Variants in AFAP1 observed in about 807,000 individuals in gnomAD.
AFAP1 encodes actin filament associated protein 1.
AFAP1 carries 75 observed loss-of-function variants against 93.9 expected under a neutral mutation model. That is an observed-to-expected ratio of 0.80 (90% CI 0.66 to 0.97). AFAP1 has a LOEUF of 0.97. AFAP1 is among the 50% of genes least tolerant of loss of function. AFAP1 has a pLI of 0.00. For missense variants in AFAP1, 1,201 were observed against 1,050.8 expected (o/e 1.14, Z -1.98); for synonymous variants, 517 against 430.7 (o/e 1.20, Z -2.48).
chr4:7,912,020 C>CA (rs1349328243), intron 1 of AFAP1, among the ~76,000 whole-genome samples: 2 of 152,228 alleles, frequency 1.3e-5, no homozygotes, highest in Non-Finnish European at 1.5e-5. Context: ...CCAGAAAGGA[C>CA]AGAGAGAAAA....
chr4:7,932,438 G>A (rs1019884882), intron 1 of AFAP1, among the ~76,000 whole-genome samples: 4 of 152,128 alleles, frequency 2.6e-5, no homozygotes, highest in African/African-American at 9.7e-5. Context: ...AATCGCTGTT[G>A]GGTTGATTCA....
Position 7,838,512 on chromosome 4 carries a change from C to T in AFAP1, c.726+12G>A. ...GAACTGAAATGGCTGTGAAACACAGCAGACAACCTACCTTCAGCCACTGCT... is the reference window on the plus strand; with the variant it reads ...GAACTGAAATGGCTGTGAAACACAGTAGACAACCTACCTTCAGCCACTGCT... On this transcript the variant is annotated intron_variant, in intron 6 of 17. Transcript: ENST00000420658. The T allele has an allele frequency of 6.2e-7, 1 of 1,607,838 alleles. No homozygotes were observed. Among genetic ancestry groups the T allele is most frequent in the Non-Finnish European group, 8.5e-7 (1 of 1,176,582 alleles).
intron 10 of AFAP1, among the ~76,000 whole-genome samples, 176 bp from the exon 11 acceptor site, chr4:7,794,002 T>C (rs1718149147): frequency 6.6e-6 from 1 of 152,224 alleles, no homozygotes; most frequent in Admixed American, 6.5e-5. Flanking sequence ...CAGCAGGCCT[T>C]AATTTAGGAA....
Position 7,823,989 on chromosome 4 carries a change from C to A in AFAP1, c.727-4818G>T, listed in dbSNP as rs1393416021. On this transcript the variant is annotated intron_variant, in intron 6 of 17. Coordinates refer to ENST00000420658, the MANE Select transcript of AFAP1 (RefSeq NM_001134647.2). ...ATCAGCATAAACCAGTCTTTATTCC[C>A]ACAAAGTTTTTCAACCAGTCGGAGA... 4.6e-5 allele frequency among the ~76,000 whole-genome samples: 7 copies of A among 152,218 alleles called. No homozygotes were observed. The East Asian group carries it at 1.3e-3, about 29-fold the overall frequency.
intron 5 of AFAP1, among the ~76,000 whole-genome samples, chr4:7,839,110 G>C (rs145604986): frequency 0.02 from 3,024 of 152,252 alleles, 104 homozygotes; most frequent in African/African-American, 0.061. Context: ...TGAGGCAGGT[G>C]GATCACTTGA....
Position 7,776,648 on chromosome 4 carries a change from A to C in AFAP1, c.1898-1745T>G, listed in dbSNP as rs377022147. 6 of 152,332 alleles carry C rather than the reference A, an allele frequency of 3.9e-5. No homozygotes were observed. In the East Asian group the frequency reaches 1.2e-3, roughly 29 times the overall value. 9.4% of individuals were successfully genotyped at this position (152,332 alleles called of 1,614,324 possible). ...GAAATACTGCATTTATGAAGGCATA[A>C]AAAGTGATCACTCCCCAGTCAATTT... is the stretch of plus-strand genomic sequence containing the variant. On this transcript the variant is annotated intron_variant, in intron 14 of 17. Transcript: ENST00000420658.
intron 6 of AFAP1, among the ~76,000 whole-genome samples, chr4:7,825,501 A>C (rs1284191604): frequency 1.3e-5 from 2 of 152,262 alleles, no homozygotes; most frequent in Non-Finnish European, 2.9e-5. Flanking sequence ...ACCATTAGTC[A>C]AAGAAGAAAT....
intron 8 of AFAP1, among the ~76,000 whole-genome samples, chr4:7,811,471 C>T (rs548555051): frequency 2.8e-4 from 43 of 151,634 alleles, no homozygotes; most frequent in African/African-American, 7.0e-4. Flanking sequence ...TCCCAATCTC[C>T]GCCTCTCTCT....
rs566479930 is a variant in AFAP1 at position 7,896,483 on chromosome 4, C to A, written c.-2-24403G>T. 2.0e-5 allele frequency among the ~76,000 whole-genome samples: 3 copies of A among 152,158 alleles called. No homozygotes were observed. The East Asian group carries it at 5.8e-4, about 30-fold the overall frequency. ...GTCTGTAAAACAGCTCTTCTCAAGT[C>A]ACTTGATGACATCCCTGTTGCCAAG... On this transcript the variant is annotated intron_variant, in intron 1 of 17. Transcript: ENST00000420658.
chr4:7,939,569 C>T lies in AFAP1; in HGVS notation c.-3+87G>A. ...AAGCCCAGGCGCACGGACCCCGGAC[C>T]CTGCGGAGCCCCGCTCGGAGCTTCC... is the stretch of plus-strand genomic sequence containing the variant. On this transcript the variant is annotated intron_variant, in intron 1 of 17. Coordinates refer to ENST00000420658, the MANE Select transcript of AFAP1 (RefSeq NM_001134647.2). The surrounding 1 kb of genome is among the most constrained non-coding windows in gnomAD (Gnocchi z 5.6). 2.6e-6 allele frequency: 1 copy of T among 385,558 alleles called. No homozygotes were observed. Among genetic ancestry groups the T allele is most frequent in the Non-Finnish European group, 5.1e-6 (1 of 197,678 alleles). The allele number at this position is 385,558 out of a possible 1,614,324, so 23.9% of individuals were successfully genotyped here.
intron 10 of AFAP1, among the ~76,000 whole-genome samples, chr4:7,796,938 T>C (rs190277163): frequency 2.5e-4 from 38 of 151,710 alleles, no homozygotes; most frequent in African/African-American, 8.2e-4. Flanking sequence ...GGCACACCTG[T>C]AATCCCAGCT....
chr4:7,865,689 G>A (rs1716315200), intron 3 of AFAP1, among the ~76,000 whole-genome samples: 1 of 152,224 alleles, frequency 6.6e-6, no homozygotes, highest in Admixed American at 6.5e-5. Context: ...GAAAATGGTA[G>A]AAAATGCTGA....
In AFAP1 at chr4:7,868,712, A is replaced by C. The variant is rs771198879; in HGVS notation, c.135T>G (p.Asp45Glu). ...LLRIQSSKGF[D>E]VKDHAQKQET... ...CCTGCTTCTGAGCATGGTCCTTCAC[A>C]TCAAAACCTGTAAGAATTAACCAGA... is the stretch of plus-strand genomic sequence containing the variant. The change falls in exon 3 of 18, where the codon GAT (aspartate) becomes GAG (glutamate). Residue 45 changes from aspartate to glutamate, a missense_variant. Asp to Glu is a conservative substitution (Grantham distance 45, BLOSUM62 2). Coordinates refer to ENST00000420658, the MANE Select transcript of AFAP1 (RefSeq NM_001134647.2). 21 of 1,613,280 alleles carry C rather than the reference A, an allele frequency of 1.3e-5. No individual in the cohort carries two copies. The African/African-American group carries it at 2.4e-4, about 18-fold the overall frequency.
At chr4:7,826,613 A>T (rs1264475279) in intron 6 of AFAP1, among the ~76,000 whole-genome samples, 3 of 152,272 alleles carry the variant, frequency 2.0e-5, no homozygotes, top group Non-Finnish European at 4.4e-5. Flanking sequence ...AGAGATCTTC[A>T]GATTTTCACC....
intron 6 of AFAP1, among the ~76,000 whole-genome samples, chr4:7,833,587 G>A (rs1014631881): frequency 9.7e-6 from 1 of 103,314 alleles, no homozygotes; most frequent in Admixed American, 1.1e-4. Flanking sequence ...GTGTGGAGAT[G>A]TCTTTTTTTT....
At chr4:7,921,231 T>C (rs1379063455) in intron 1 of AFAP1, among the ~76,000 whole-genome samples, 3 of 133,200 alleles carry the variant, frequency 2.3e-5, no homozygotes, top group Non-Finnish European at 4.5e-5. Context: ...TTGCCCAGGC[T>C]AGAGTGCAGT....
chr4:7,768,922 G>C lies in AFAP1; in HGVS notation c.2340C>G (p.Asn780Lys). 3 of 1,613,832 alleles carry C rather than the reference G, an allele frequency of 1.9e-6. No individual in the cohort carries two copies. Among genetic ancestry groups the C allele is most frequent in the Non-Finnish European group, 1.7e-6 (2 of 1,179,896 alleles). Reference protein sequence around the residue: ...TSDTEGPVPVNSAAVLKKSQA... With the variant: ...TSDTEGPVPVKSAAVLKKSQA... Reference sequence around the variant, plus strand: ...GGCTCTTCTTCAAGACGGCCGCGCTGTTCACCGGCACGGGGCCCTCGGTGT... The same window carrying C: ...GGCTCTTCTTCAAGACGGCCGCGCTCTTCACCGGCACGGGGCCCTCGGTGT... Residue 780 changes from asparagine (N) to lysine (K), a missense_variant, in exon 17 of 18, where the codon AAC (asparagine) becomes AAG (lysine). Coordinates refer to ENST00000420658, the MANE Select transcript of AFAP1 (RefSeq NM_001134647.2).
intron 1 of AFAP1, among the ~76,000 whole-genome samples, chr4:7,926,915 T>C (rs1720802124): frequency 6.6e-6 from 1 of 152,172 alleles, no homozygotes; most frequent in Non-Finnish European, 1.5e-5. Flanking sequence ...TTTGCATTTT[T>C]AGTAGAGAAG....
intron 6 of AFAP1, among the ~76,000 whole-genome samples, chr4:7,831,355 T>C (rs1238957476): frequency 2.0e-5 from 3 of 150,964 alleles, no homozygotes; most frequent in African/African-American, 7.3e-5. Context: ...CTTTACCCCG[T>C]ATTATTTACT....
Sources: allele counts gnomAD v4.1 joint callset (sites outside exome capture counted in the v4.1 genomes callset), GRCh38; gene constraint gnomAD v4.1.1; non-coding constraint Gnocchi (gnomAD v3.1); transcripts MANE v1.5; gene names NCBI Gene and HGNC (gene_info 2026-07-23, HGNC 2026-07-21).